GCC2: variants seen among roughly 807,000 people sequenced by gnomAD.
The protein encoded by GCC2 is GRIP and coiled-coil domain containing 2, also known as GRIP and coiled-coil domain-containing protein 2.
A neutral mutation model predicts 210.6 loss-of-function variants in GCC2; 120 were observed. The observed-to-expected ratio is 0.57, with a 90% CI of 0.49 to 0.66. The LOEUF is 0.66. Ranked by LOEUF, GCC2 falls within the 30% of genes least tolerant of loss-of-function variation. The pLI is 0.00. For missense variants in GCC2, 1,868 were observed against 1,871.9 expected (o/e 1.00, Z 0.04); for synonymous variants, 703 against 652.7 (o/e 1.08, Z -1.17).
intron 9 of GCC2, among the ~76,000 whole-genome samples, chr2:108,479,980 C>CAAAAAAAAAAAAAAAAAAAAAAAAAAAAA (rs200934785): frequency 8.7e-6 from 1 of 114,536 alleles, no homozygotes; most frequent in African/African-American, 3.7e-5. Flanking sequence ...GACTCCATCT[C>CAAAAAAAAAAAAAAAAAAAAAAAAAAAAA]AAAAAAAAAA....
chr2:108,461,830 CTTTTTCT>C (rs1293965578), intron 4 of GCC2, among the ~76,000 whole-genome samples: 4 of 124,078 alleles, frequency 3.2e-5, no homozygotes, highest in African/African-American at 9.4e-5. Context: ...TTTTTTTTTT[CTTTTTCT>C]TTTTTTTTTT....
chr2:108,453,802 A>C (rs1311174019), intron 4 of GCC2, among the ~76,000 whole-genome samples: 9 of 144,736 alleles, frequency 6.2e-5, no homozygotes, highest in African/African-American at 1.3e-4. Flanking sequence ...AAAAAAAAAA[A>C]CACAAAAAAT....
rs1438722532 is a variant in GCC2, at chr2:108,469,767, T to A, written c.438T>A (p.Ser146Arg). The A allele has an allele frequency of 8.7e-6, 14 of 1,613,782 alleles. No individual in the cohort carries two copies. In the South Asian group the frequency reaches 1.3e-4, roughly 15 times the overall value. Residue 146 changes from serine to arginine, a missense_variant, in exon 6 of 23, where the codon AGT becomes AGA. Ser to Arg is a moderately radical substitution (Grantham distance 110). Transcript: ENST00000309863. ...TGATGGCAGTACGTTCCAAATACAG[T>A]GAAGACAAAGCTAACTTACAAAAGC... ...NELMAVRSKY[S>R]EDKANLQKQL...
At chr2:108,495,672 G>C (rs1042156797) in intron 20 of GCC2, 187 bp downstream of exon 20, 23 of 386,648 alleles carry the variant, frequency 5.9e-5, no homozygotes, top group Non-Finnish European at 9.2e-5. Flanking sequence ...GGATGGATGG[G>C]ATGGATGGAT....
At chr2:108,481,665 T>C (rs1481462357) in intron 9 of GCC2, 32 bp from the exon 10 acceptor site, 5 of 1,550,896 alleles carry the variant, frequency 3.2e-6, no homozygotes, top group African/African-American at 1.4e-5. Flanking sequence ...TGCAAAATTA[T>C]ATACCAAAGT....
Position 108,493,371 on chromosome 2 carries a change from A to C in GCC2, c.4447+581A>C, listed in dbSNP as rs149446413. 4.1e-3 allele frequency: 3,895 copies of C among 940,786 alleles called. 10 individuals carry two copies. Among genetic ancestry groups the C allele is most frequent in the Admixed American group, 7.2e-3 (128 of 17,818 alleles). 58.3% of individuals were successfully genotyped at this position (940,786 alleles called of 1,614,324 possible). A position where few individuals can be genotyped will look rare whatever the true frequency, so the allele number is the denominator to read the frequency against. ...CCAAAATGCTGGGATTACAGGCATG[A>C]GCCACTGCGCCTGGCCGACACATGT... On this transcript the variant is annotated intron_variant, in intron 19 of 22. Coordinates refer to ENST00000309863, the MANE Select transcript of GCC2 (RefSeq NM_181453.4).
Position 108,508,527 on chromosome 2 carries a change from A to T in GCC2, c.*897A>T, listed in dbSNP as rs1038318683. On this transcript the variant is annotated 3_prime_UTR_variant, in exon 23 of 23. Transcript: ENST00000309863. ...TCTTGATAGGGTGTCACTGCATGCA[A>T]GCCATGAATCTGTTTTGAGAATCCT... is the stretch of plus-strand genomic sequence containing the variant. The T allele has an allele frequency of 1.4e-5, 2 of 141,648 alleles. No individual in the cohort carries two copies. The highest frequency in any genetic ancestry group is 3.0e-5 in the Non-Finnish European group (2 of 65,698). 8.8% of individuals were successfully genotyped at this position (141,648 alleles called of 1,614,324 possible). A position where few individuals can be genotyped will look rare whatever the true frequency, so the allele number is the denominator to read the frequency against.
rs1050480782 is a variant in GCC2, at chr2:108,500,329, A to G, written c.4984+575A>G. Among the ~76,000 whole-genome samples the G allele has an allele frequency of 6.6e-5, 10 of 152,242 alleles. No homozygotes were observed. The East Asian group carries it at 1.5e-3, about 24-fold the overall frequency. The stretch of plus-strand genomic sequence containing the variant: ...AGATACCGAGACCATCCTGGCCAAC[A>G]TGGTGAAATCTCGTCTCTACTAAAA... On this transcript the variant is annotated intron_variant, in intron 22 of 22. Transcript: ENST00000309863.
intron 4 of GCC2, among the ~76,000 whole-genome samples, chr2:108,456,024 G>A (rs1181249749): frequency 7.9e-5 from 12 of 151,600 alleles, no homozygotes; most frequent in African/African-American, 1.2e-4. Flanking sequence ...TTGCTCTGTC[G>A]CCCAGGCTGT....
At chr2:108,453,483 G>T (rs938498280) in intron 4 of GCC2, among the ~76,000 whole-genome samples, 1 of 151,916 alleles carries the variant, frequency 6.6e-6, no homozygotes, top group Middle Eastern at 3.4e-3. Flanking sequence ...TTTATTCCCC[G>T]TTTAAAAACC....
chr2:108,487,959 T>C (rs1682231272), intron 17 of GCC2, 139 bp downstream of exon 17: 1 of 803,332 alleles, frequency 1.2e-6, no homozygotes, highest in African/African-American at 1.8e-5. Flanking sequence ...CAGGCTGGAG[T>C]GCAGTGGTGC....
At position 108,483,068 on chromosome 2, in the gene GCC2, G is replaced by T; in HGVS notation, c.3352G>T (p.Ala1118Ser). The T allele has an allele frequency of 6.6e-7, 1 of 1,524,614 alleles. No individual in the cohort carries two copies. Among genetic ancestry groups the T allele is most frequent in the Non-Finnish European group, 9.1e-7 (1 of 1,099,336 alleles). 94.4% of individuals were successfully genotyped at this position (1,524,614 alleles called of 1,614,324 possible). A position where few individuals can be genotyped will look rare whatever the true frequency, so the allele number is the denominator to read the frequency against. ...TTTTTATTTTTAATTTCAGGAACAT[G>T]CCACTACTGTAAATGAACTTGAAGA... ...LQKEQKIKEH[A>S]TTVNELEELQ... Residue 1118 changes from alanine (A) to serine (S), a missense_variant, in exon 12 of 23, where the codon GCC (alanine) becomes TCC (serine). Ala to Ser is a moderately conservative substitution (Grantham distance 99, BLOSUM62 1). Around this residue, in one of 3 missense-constraint regions of GCC2, gnomAD observed 1,847 missense variants for 1,765.2 expected, o/e 1.05. Transcript: ENST00000309863.
intron 9 of GCC2, among the ~76,000 whole-genome samples, chr2:108,477,191 CAA>C (rs901197571): frequency 6.6e-6 from 1 of 151,888 alleles, no homozygotes; most frequent in Non-Finnish European, 1.5e-5. Context: ...ACATCCTACT[CAA>C]AGAGACACTG....
At position 108,449,688 on chromosome 2, in the gene GCC2, A is replaced by C. The variant is rs1279198753; in HGVS notation, c.62A>C (p.Lys21Thr). The C allele has an allele frequency of 6.2e-7, 1 of 1,612,164 alleles. No individual in the cohort carries two copies. Among genetic ancestry groups the C allele is most frequent in the Non-Finnish European group, 8.5e-7 (1 of 1,178,294 alleles). The change falls in exon 2 of 23, where the codon AAG becomes ACG. Residue 21 changes from lysine (K) to threonine (T), a missense_variant and splice_region_variant. This residue lies in a region of GCC2 where 1,847 missense variants were observed against 1,765.2 expected (regional missense o/e 1.05). Transcript: ENST00000309863. ...SPATPGTGKSKLETLPKEDLI... is the reference protein window; with the variant it reads ...SPATPGTGKSTLETLPKEDLI... ...GCTACCCCTGGGACCGGGAAATCTA[A>C]GGTGAAGAGAATACTTGAATAGCGG...
rs779983908 is a variant in GCC2, at chr2:108,489,956, G to A, written c.4171G>A (p.Glu1391Lys). ...TLQSEHDTLL[E>K]RHNKMLQETV... Reference sequence around the variant, plus strand: ...GCAGTCTGAACATGATACACTGCTAGAAAGGCACAACAAGATGCTGCAGGA... The same window carrying A: ...GCAGTCTGAACATGATACACTGCTAAAAAGGCACAACAAGATGCTGCAGGA... The change falls in exon 18 of 23, where the codon GAA becomes AAA. Residue 1391 changes from glutamate (E) to lysine (K), a missense_variant. By Grantham distance (56) the Glu-to-Lys change is moderately conservative (BLOSUM62 1). Coordinates refer to ENST00000309863, the MANE Select transcript of GCC2 (RefSeq NM_181453.4). 1 of 1,611,790 alleles carries A rather than the reference G, an allele frequency of 6.2e-7. No individual in the cohort carries two copies. Among genetic ancestry groups the A allele is most frequent in the Admixed American group, 1.7e-5 (1 of 59,392 alleles).
At chr2:108,482,217 A>G in intron 10 of GCC2, 70 bp from the exon 11 acceptor site, 2 of 837,600 alleles carry the variant, frequency 2.4e-6, no homozygotes, top group Non-Finnish European at 1.9e-6. Flanking sequence ...TCATTAATGT[A>G]CCTGTTCATT....
At chr2:108,500,169 A>G (rs559123244) in intron 22 of GCC2, among the ~76,000 whole-genome samples, 3 of 151,930 alleles carry the variant, frequency 2.0e-5, no homozygotes, top group African/African-American at 7.2e-5. Flanking sequence ...TATATAGCCC[A>G]ACACTTGGTC....
intron 22 of GCC2, among the ~76,000 whole-genome samples, chr2:108,503,709 C>A (rs1238950067): frequency 6.6e-6 from 1 of 152,186 alleles, no homozygotes; most frequent in African/African-American, 2.4e-5. Flanking sequence ...TTTATAATCT[C>A]TGGTTTTGTG....
intron 4 of GCC2, among the ~76,000 whole-genome samples, chr2:108,460,791 A>G (rs1404204740): frequency 6.6e-6 from 1 of 152,216 alleles, no homozygotes; most frequent in Non-Finnish European, 1.5e-5. Flanking sequence ...GGTGAGGCCT[A>G]GTGGGAAGTG....
Sources: allele counts gnomAD v4.1 joint callset (sites outside exome capture counted in the v4.1 genomes callset), GRCh38; gene constraint gnomAD v4.1.1; regional missense constraint gnomAD v4.1.1; transcripts MANE v1.5; gene names NCBI Gene and HGNC (gene_info 2026-07-23, HGNC 2026-07-21).